SPATA17: variants seen among roughly 807,000 people sequenced by gnomAD.
SPATA17 encodes the protein spermatogenesis associated 17.
SPATA17 carries 53 observed loss-of-function variants against 62.2 expected under a neutral mutation model. The observed-to-expected ratio is 0.85, with a 90% CI of 0.68 to 1.07. SPATA17 has a LOEUF of 1.07. Among genes scored for constraint, SPATA17 ranks in the 50% least tolerant of loss-of-function variants. The pLI, the probability that SPATA17 is intolerant of heterozygous loss-of-function variation, is 0.00. For missense variants in SPATA17, 466 were observed against 425.5 expected (o/e 1.10, Z -0.84); for synonymous variants, 146 against 146.8 (o/e 0.99, Z 0.04).
At chr1:217,722,360 A>T (rs999214976) in intron 5 of SPATA17, among the ~76,000 whole-genome samples, 48 of 152,236 alleles carry the variant, frequency 3.2e-4, no homozygotes, top group African/African-American at 1.1e-3. Flanking sequence ...TAAAAATTTT[A>T]TTAAATATAT....
chr1:217,847,350 ATG>A (rs1675552502), intron 9 of SPATA17, among the ~76,000 whole-genome samples: 1 of 152,178 alleles, frequency 6.6e-6, no homozygotes, highest in Admixed American at 6.6e-5. Flanking sequence ...TTACCTACAC[ATG>A]TCTTTTGTTT....
chr1:217,794,161 AG>A (rs1674077467), intron 8 of SPATA17, among the ~76,000 whole-genome samples: 1 of 151,892 alleles, frequency 6.6e-6, no homozygotes, highest in Non-Finnish European at 1.5e-5. Flanking sequence ...AAAACTAAAA[AG>A]GATATCTAGG....
At chr1:217,701,133 C>A (rs1232982553) in intron 5 of SPATA17, among the ~76,000 whole-genome samples, 1 of 148,930 alleles carries the variant, frequency 6.7e-6, no homozygotes, top group East Asian at 2.1e-4. Flanking sequence ...CACCACCACG[C>A]CTAGCTAGTT....
rs115627516 is a variant in SPATA17 at position 217,715,024 on chromosome 1, C to T, written c.396-26951C>T. Among the ~76,000 whole-genome samples the T allele has an allele frequency of 8.2e-3, 1,242 of 151,864 alleles. 10 individuals carry two copies. The highest frequency in any genetic ancestry group is 0.027 in the African/African-American group (1,113 of 41,418). On this transcript the variant is annotated intron_variant, in intron 5 of 10. Coordinates refer to ENST00000366933, the MANE Select transcript of SPATA17 (RefSeq NM_138796.4). ...TGATGAAACTAAAGTATGTTGAATC[C>T]CTTAAAAGTGCAAGAAACATTTAAA...
At chr1:217,786,273 C>A (rs1268689731) in intron 8 of SPATA17, among the ~76,000 whole-genome samples, 6 of 152,018 alleles carry the variant, frequency 3.9e-5, no homozygotes. Context: ...GTGTAAGAGA[C>A]AATGTATATA....
intron 5 of SPATA17, among the ~76,000 whole-genome samples, chr1:217,712,485 T>A (rs1036439194): frequency 1.3e-5 from 2 of 152,122 alleles, no homozygotes; most frequent in Non-Finnish European, 2.9e-5. Flanking sequence ...CTTTTCTTTA[T>A]CCTTCATGAG....
intron 9 of SPATA17, among the ~76,000 whole-genome samples, chr1:217,833,265 A>T (rs1438719848): frequency 6.6e-6 from 1 of 152,300 alleles, no homozygotes; most frequent in East Asian, 1.9e-4. Flanking sequence ...TAGTCTTTTC[A>T]TGCACAAGTA....
chr1:217,644,050 C>T (rs577888202), intron 1 of SPATA17, among the ~76,000 whole-genome samples: 48 of 152,174 alleles, frequency 3.2e-4, no homozygotes, highest in African/African-American at 1.1e-3. Context: ...TTTTTGAATG[C>T]ACTAATATTA....
At chr1:217,819,876 C>G in intron 9 of SPATA17, among the ~76,000 whole-genome samples, 1 of 151,968 alleles carries the variant, frequency 6.6e-6, no homozygotes, top group East Asian at 1.9e-4. Context: ...TCATATTTAG[C>G]AACAGTTGTC....
intron 5 of SPATA17, among the ~76,000 whole-genome samples, chr1:217,736,671 C>A (rs917237478): frequency 2.6e-5 from 4 of 152,146 alleles, no homozygotes; most frequent in Non-Finnish European, 4.4e-5. Context: ...GAGAGAGAAG[C>A]AGGGACCAAT....
At chr1:217,732,416 TAA>T (rs1331352078) in intron 5 of SPATA17, among the ~76,000 whole-genome samples, 1 of 152,194 alleles carries the variant, frequency 6.6e-6, no homozygotes, top group Non-Finnish European at 1.5e-5. Flanking sequence ...AAAGTGAGGT[TAA>T]CACATTTTAA....
intron 9 of SPATA17, among the ~76,000 whole-genome samples, chr1:217,805,061 T>G (rs540147599): frequency 6.6e-6 from 1 of 152,254 alleles, no homozygotes; most frequent in Non-Finnish European, 1.5e-5. Flanking sequence ...AATCCATATA[T>G]TGAAGAGATA....
intron 4 of SPATA17, among the ~76,000 whole-genome samples, chr1:217,678,379 T>C (rs1671003251): frequency 6.6e-6 from 1 of 151,788 alleles, no homozygotes; most frequent in South Asian, 2.1e-4. Flanking sequence ...CAGCTAATTT[T>C]GTGTATTTTT....
chr1:217,790,642 G>A (rs7545859), intron 8 of SPATA17, among the ~76,000 whole-genome samples: 3 of 151,684 alleles, frequency 2.0e-5, no homozygotes, highest in Non-Finnish European at 2.9e-5. Context: ...GGGTTTCACC[G>A]TGGTCTCAAT....
chr1:217,740,928 T>C (rs994922992), intron 5 of SPATA17, among the ~76,000 whole-genome samples: 25 of 152,328 alleles, frequency 1.6e-4, no homozygotes, highest in Admixed American at 9.8e-4. Flanking sequence ...TTTTTAAACG[T>C]CAGTGTGTTT....
chr1:217,667,048 C>CTTTTTTT (rs1191694917), intron 3 of SPATA17, among the ~76,000 whole-genome samples: 3 of 115,524 alleles, frequency 2.6e-5, no homozygotes, highest in Non-Finnish European at 5.3e-5. Context: ...TTTTTTTTTT[C>CTTTTTTT]TTTTTTTTTT....
At chr1:217,797,061 A>G (rs1462258195) in intron 8 of SPATA17, among the ~76,000 whole-genome samples, 2 of 152,086 alleles carry the variant, frequency 1.3e-5, no homozygotes, top group East Asian at 3.9e-4. Flanking sequence ...GTCTCATCCT[A>G]TTTCAAATAT....
chr1:217,729,908 A>G (rs1236349262), intron 5 of SPATA17, among the ~76,000 whole-genome samples: 1 of 152,214 alleles, frequency 6.6e-6, no homozygotes, highest in Non-Finnish European at 1.5e-5. Flanking sequence ...CTTCAGTCCC[A>G]AGAAGGAATT....
chr1:217,819,892 T>C (rs1674817208), intron 9 of SPATA17, among the ~76,000 whole-genome samples: 1 of 152,066 alleles, frequency 6.6e-6, no homozygotes, highest in Non-Finnish European at 1.5e-5. Flanking sequence ...TTGTCTTTAG[T>C]CATTCAACAA....
Sources: allele counts gnomAD v4.1 joint callset (sites outside exome capture counted in the v4.1 genomes callset), GRCh38; gene constraint gnomAD v4.1.1; transcripts MANE v1.5; gene names NCBI Gene and HGNC (gene_info 2026-07-23, HGNC 2026-07-21).